The following ADCY5 variants were observed in gnomAD, a reference collection of about 807,000 sequenced individuals.
ADCY5 encodes adenylate cyclase type 5.
A neutral mutation model predicts 119.7 loss-of-function variants in ADCY5; 30 were observed. The ratio of observed to expected loss-of-function variants is 0.25; its 90% CI spans 0.19 to 0.34. The LOEUF (loss-of-function observed/expected upper bound fraction) is 0.34, where lower values mean the gene tolerates loss of function less well. Among genes scored for constraint, ADCY5 ranks in the 10% least tolerant of loss-of-function variants. The pLI is 1.00. For missense variants in ADCY5, 1,324 were observed against 1,775.2 expected, an observed-to-expected ratio of 0.75 and a Z score of 4.57; for synonymous variants, 753 against 762.2, an observed-to-expected ratio of 0.99 and a Z score of 0.20.
intron 1 of ADCY5, among the ~76,000 whole-genome samples, chr3:123,363,850 G>A (rs752486931): frequency 3.9e-5 from 6 of 152,176 alleles, no homozygotes; most frequent in East Asian, 3.8e-4. Flanking sequence ...TCAAGGCTGC[G>A]GTGAGCCACG....
At chr3:123,308,169 G>A (rs993919115) in intron 12 of ADCY5, among the ~76,000 whole-genome samples, 1 of 151,474 alleles carries the variant, frequency 6.6e-6, no homozygotes, top group Non-Finnish European at 1.5e-5. Context: ...GAGTAGCTGG[G>A]ACTACAGGCG....
At chr3:123,393,057 G>T (rs967124110) in intron 1 of ADCY5, among the ~76,000 whole-genome samples, 1 of 152,078 alleles carries the variant, frequency 6.6e-6, no homozygotes, top group East Asian at 1.9e-4. Flanking sequence ...CACAAACAAG[G>T]CAACAGGTGA....
chr3:123,427,743 T>C (rs537680134), intron 1 of ADCY5, among the ~76,000 whole-genome samples: 33 of 152,312 alleles, frequency 2.2e-4, no homozygotes, highest in African/African-American at 7.9e-4. Context: ...GCTTACTTCA[T>C]AGGACTACTG....
rs544308932 is a variant in ADCY5, at chr3:123,378,236, C to G, written c.1135-25655G>C. Among the ~76,000 whole-genome samples, 255 of 152,216 alleles carry G rather than the reference C, an allele frequency of 1.7e-3. 1 individual carries two copies. Among genetic ancestry groups the G allele is most frequent in the Non-Finnish European group, 8.7e-4 (59 of 68,010 alleles). On this transcript the variant is annotated intron_variant, in intron 1 of 20. Coordinates refer to ENST00000462833, the MANE Select transcript of ADCY5 (RefSeq NM_183357.3). ...CCCAGTCCCTGGGAGGGGTGGATACCCTGCTTCTTCAGGTGAGGAAATGGG... is the reference window on the plus strand; with the variant it reads ...CCCAGTCCCTGGGAGGGGTGGATACGCTGCTTCTTCAGGTGAGGAAATGGG...
chr3:123,411,612 G>A (rs769274323), intron 1 of ADCY5, among the ~76,000 whole-genome samples: 8 of 152,118 alleles, frequency 5.3e-5, no homozygotes, highest in Non-Finnish European at 1.0e-4. Context: ...CCAGCAACAT[G>A]TTTTAAGTCC....
chr3:123,349,924 T>G (rs1450227402), intron 2 of ADCY5, among the ~76,000 whole-genome samples: 1 of 152,250 alleles, frequency 6.6e-6, no homozygotes, highest in Non-Finnish European at 1.5e-5. Flanking sequence ...CTAAGCCTCC[T>G]GACACTGCTG....
intron 8 of ADCY5, among the ~76,000 whole-genome samples, chr3:123,322,041 C>T (rs988909611): frequency 2.0e-5 from 3 of 152,220 alleles, no homozygotes; most frequent in Non-Finnish European, 2.9e-5. Context: ...GGTCCCACGT[C>T]ACCATCCCAG....
chr3:123,314,831 G>A (rs1426946744), intron 11 of ADCY5, among the ~76,000 whole-genome samples: 1 of 150,646 alleles, frequency 6.6e-6, no homozygotes, highest in Non-Finnish European at 1.5e-5. Flanking sequence ...GCCACTCTTT[G>A]AGAAACAAGG....
chr3:123,372,130 T>C (rs967259553), intron 1 of ADCY5, among the ~76,000 whole-genome samples: 1 of 152,178 alleles, frequency 6.6e-6, no homozygotes, highest in African/African-American at 2.4e-5. Flanking sequence ...TCCTGAAAGG[T>C]GAGCCTCCAT....
At chr3:123,351,747 C>T (rs1942845109) in intron 2 of ADCY5, among the ~76,000 whole-genome samples, 1 of 152,180 alleles carries the variant, frequency 6.6e-6, no homozygotes, top group African/African-American at 2.4e-5. Flanking sequence ...GACTCCGCCC[C>T]CAAAGAGGGA....
At chr3:123,422,882 A>C (rs1256297938) in intron 1 of ADCY5, among the ~76,000 whole-genome samples, 1 of 152,170 alleles carries the variant, frequency 6.6e-6, no homozygotes, top group Non-Finnish European at 1.5e-5. Flanking sequence ...CAAGTAGGGG[A>C]GATACAGACA....
chr3:123,369,035 C>T (rs537349254), intron 1 of ADCY5, among the ~76,000 whole-genome samples: 7 of 152,180 alleles, frequency 4.6e-5, no homozygotes, highest in Non-Finnish European at 5.9e-5. Context: ...GAATGTACCC[C>T]GAAATTTAAT....
At chr3:123,331,541 C>G (rs1941763820) in intron 4 of ADCY5, among the ~76,000 whole-genome samples, 1 of 152,158 alleles carries the variant, frequency 6.6e-6, no homozygotes, top group Admixed American at 6.5e-5. Flanking sequence ...AGACTTTTAT[C>G]AAAAAAGAAT....
chr3:123,320,724 G>A (rs902106771), intron 9 of ADCY5, 25 bp downstream of exon 9: 2 of 1,612,278 alleles, frequency 1.2e-6, no homozygotes, highest in East Asian at 4.5e-5. Context: ...CAGGGAGCAG[G>A]AATAAGGAAG....
chr3:123,345,142 T>C (rs1942468876), intron 3 of ADCY5, among the ~76,000 whole-genome samples: 1 of 152,190 alleles, frequency 6.6e-6, no homozygotes. Context: ...GCAGTCACCG[T>C]AGAAGAGGCC....
At chr3:123,326,575 A>G (rs774670069) in intron 7 of ADCY5, among the ~76,000 whole-genome samples, 15 of 152,172 alleles carry the variant, frequency 9.9e-5, no homozygotes, top group Non-Finnish European at 1.6e-4. Context: ...AGATGTGGGT[A>G]AAGAGCCTGG....
rs1301023411 is a variant in ADCY5, at chr3:123,332,583, C to T, written c.1499G>A (p.Arg500His). ...LVMTLNELFARFDKLAAENHC... is the reference protein window; with the variant it reads ...LVMTLNELFAHFDKLAAENHC... ...ACTCACTGCGGCCAGCTTGTCAAAGCGGGCGAAGAGCTCGTTGAGGGTCAT... is the reference window on the plus strand; with the variant it reads ...ACTCACTGCGGCCAGCTTGTCAAAGTGGGCGAAGAGCTCGTTGAGGGTCAT... Residue 500 changes from arginine (R) to histidine (H), a missense_variant, in exon 4 of 21, where the codon CGC (arginine) becomes CAC (histidine). Physicochemically the swap from Arg to His is conservative, Grantham distance 29. This residue lies in a region of ADCY5 where 123 missense variants were observed against 287.9 expected (regional missense o/e 0.43). Transcript: ENST00000462833. 1 of 1,613,258 alleles carries T rather than the reference C, an allele frequency of 6.2e-7. No homozygotes were observed. The highest frequency in any genetic ancestry group is 8.5e-7 in the Non-Finnish European group (1 of 1,179,542).
intron 1 of ADCY5, among the ~76,000 whole-genome samples, chr3:123,415,184 T>TCCC (rs1663909676): frequency 6.6e-6 from 1 of 152,108 alleles, no homozygotes; most frequent in Non-Finnish European, 1.5e-5. Flanking sequence ...ACGGCTTAGG[T>TCCC]TGCCAAGGGA....
intron 1 of ADCY5, chr3:123,368,085 C>T: frequency 7.1e-7 from 1 of 1,416,390 alleles, no homozygotes; most frequent in Non-Finnish European, 9.2e-7. Context: ...GAGAGGAGTG[C>T]TATGCTGGGA....
Sources: allele counts gnomAD v4.1 joint callset (sites outside exome capture counted in the v4.1 genomes callset), GRCh38; gene constraint gnomAD v4.1.1; regional missense constraint gnomAD v4.1.1; transcripts MANE v1.5; gene names NCBI Gene and HGNC (gene_info 2026-07-23, HGNC 2026-07-21).